The following DCC variants were observed in gnomAD, a reference collection of about 807,000 sequenced individuals.
DCC encodes the protein netrin receptor DCC.
A neutral mutation model predicts 172.5 loss-of-function variants in DCC; 58 were observed. That is an observed-to-expected ratio of 0.34 (90% CI 0.27 to 0.42). DCC has a LOEUF of 0.42. Among genes scored for constraint, DCC ranks in the 10% least tolerant of loss-of-function variants. The pLI is 1.00. For missense variants in DCC, 1,740 were observed against 1,791.0 expected, an observed-to-expected ratio of 0.97 and a Z score of 0.51; for synonymous variants, 709 against 644.5, an observed-to-expected ratio of 1.10 and a Z score of -1.52.
chr18:53,255,215 T>C (rs1177483741), intron 12 of DCC, among the ~76,000 whole-genome samples: 1 of 151,890 alleles, frequency 6.6e-6, no homozygotes, highest in Admixed American at 6.6e-5. Flanking sequence ...TTTTTGTTTT[T>C]TTTTCTATTA....
chr18:52,463,962 C>T (rs899954472), intron 1 of DCC, among the ~76,000 whole-genome samples: 6 of 152,136 alleles, frequency 3.9e-5, no homozygotes, highest in South Asian at 2.1e-4. Context: ...GTCTTTATAG[C>T]GTCCCTTCAC....
chr18:53,196,708 C>A (rs1366188732), intron 9 of DCC, among the ~76,000 whole-genome samples: 2 of 152,062 alleles, frequency 1.3e-5, no homozygotes, highest in East Asian at 1.9e-4. Context: ...TTATCCATAT[C>A]TGCATCCGTT....
intron 2 of DCC, among the ~76,000 whole-genome samples, chr18:52,780,689 G>T (rs57439269): frequency 0.029 from 4,437 of 152,206 alleles, 219 homozygotes; most frequent in African/African-American, 0.1. Flanking sequence ...GTTTATTCAG[G>T]TTCTTTCTGG....
intron 15 of DCC, among the ~76,000 whole-genome samples, chr18:53,357,394 C>G (rs948403660): frequency 4.6e-5 from 7 of 152,122 alleles, no homozygotes; most frequent in African/African-American, 1.7e-4. Flanking sequence ...ACTTCAGCAT[C>G]TCCCCCCATC....
chr18:52,908,694 A>G (rs2039925698), intron 3 of DCC, among the ~76,000 whole-genome samples: 1 of 152,300 alleles, frequency 6.6e-6, no homozygotes, highest in Non-Finnish European at 1.5e-5. Context: ...ATTGTAAACC[A>G]TGGAGATTTA....
chr18:53,294,604 C>T (rs1197511708), intron 12 of DCC, among the ~76,000 whole-genome samples: 1 of 152,158 alleles, frequency 6.6e-6, no homozygotes, highest in African/African-American at 2.4e-5. Flanking sequence ...CTGGAGGACT[C>T]AGCCTTGCAT....
chr18:53,286,465 A>G (rs143898881), intron 12 of DCC, among the ~76,000 whole-genome samples: 25 of 152,284 alleles, frequency 1.6e-4, no homozygotes, highest in African/African-American at 5.5e-4. Context: ...GAGGCCTTCT[A>G]GTGACTTGGA....
At chr18:53,402,141 A>G (rs1188369811) in intron 18 of DCC, among the ~76,000 whole-genome samples, 3 of 152,156 alleles carry the variant, frequency 2.0e-5, no homozygotes, top group Non-Finnish European at 4.4e-5. Flanking sequence ...TGACATTTTT[A>G]TTTATAAATG....
rs527600061 is a variant in DCC at position 52,505,968 on chromosome 18, T to G, written c.91+165090T>G. On this transcript the variant is annotated intron_variant, in intron 1 of 28. Coordinates refer to ENST00000442544, the MANE Select transcript of DCC (RefSeq NM_005215.4). The stretch of plus-strand genomic sequence containing the variant: ...ATTTTATGGAAATATTTCCTTTGGT[T>G]GTGAGAAAACACATTTCCACATGTC... Among the ~76,000 whole-genome samples the G allele has an allele frequency of 5.9e-5, 9 of 152,228 alleles. No homozygotes were observed. The South Asian group carries it at 1.9e-3, about 32-fold the overall frequency.
At chr18:53,281,855 G>A (rs564078297) in intron 12 of DCC, among the ~76,000 whole-genome samples, 1 of 144,732 alleles carries the variant, frequency 6.9e-6, no homozygotes, top group South Asian at 2.2e-4. Context: ...TTCTCCAAAA[G>A]ATATACATCC....
chr18:52,535,374 G>A (rs188497754), intron 1 of DCC, among the ~76,000 whole-genome samples: 11 of 152,300 alleles, frequency 7.2e-5, no homozygotes, highest in East Asian at 1.9e-4. Context: ...CAAACTGAAC[G>A]TGAGAGAAGA....
chr18:52,823,426 T>G (rs2038446556), intron 2 of DCC, among the ~76,000 whole-genome samples: 1 of 152,232 alleles, frequency 6.6e-6, no homozygotes, highest in Admixed American at 6.5e-5. Flanking sequence ...TTTTAAGAAA[T>G]GTATTAATAG....
chr18:52,850,993 G>A (rs1368296142), intron 2 of DCC, among the ~76,000 whole-genome samples: 1 of 151,888 alleles, frequency 6.6e-6, no homozygotes, highest in African/African-American at 2.4e-5. Context: ...AAGTTCTTAT[G>A]TTTCTATTAA....
At chr18:52,715,360 CATG>C (rs2036362522) in intron 1 of DCC, among the ~76,000 whole-genome samples, 1 of 150,266 alleles carries the variant, frequency 6.7e-6, no homozygotes, top group Admixed American at 6.6e-5. Flanking sequence ...AGTGCCGTGG[CATG>C]ATATCAGCTC....
rs72930041 is a variant in DCC, at chr18:53,000,726, C to T, written c.986-62579C>T. On this transcript the variant is annotated intron_variant, in intron 5 of 28. Coordinates refer to ENST00000442544, the MANE Select transcript of DCC (RefSeq NM_005215.4). ...TCAGGGACAGGAACTCAGTCAGAGC[C>T]AGTAATATGTCACAGCCAGATAATA... is the stretch of plus-strand genomic sequence containing the variant. Among the ~76,000 whole-genome samples, 1,213 of 150,982 alleles carry T rather than the reference C, an allele frequency of 8.0e-3. 8 individuals are homozygous for T. Among genetic ancestry groups the T allele is most frequent in the Non-Finnish European group, 9.8e-3 (667 of 67,794 alleles).
At chr18:52,924,184 G>A (rs189770012) in intron 4 of DCC, among the ~76,000 whole-genome samples, 1 of 152,054 alleles carries the variant, frequency 6.6e-6, no homozygotes, top group African/African-American at 2.4e-5. Flanking sequence ...ATATAGAGAG[G>A]TTTGATCCTT....
At chr18:53,102,880 G>A (rs1052155688) in intron 7 of DCC, among the ~76,000 whole-genome samples, 3 of 151,998 alleles carry the variant, frequency 2.0e-5, no homozygotes, top group African/African-American at 4.8e-5. Flanking sequence ...TAGCCTTTCT[G>A]CAATACACCC....
chr18:52,966,104 A>T (rs549766538), intron 5 of DCC, among the ~76,000 whole-genome samples: 1 of 152,178 alleles, frequency 6.6e-6, no homozygotes, highest in Non-Finnish European at 1.5e-5. Context: ...AAAAAAATCC[A>T]TAGATCATTT....
intron 1 of DCC, among the ~76,000 whole-genome samples, chr18:52,566,720 A>G (rs1036999580): frequency 1.3e-5 from 2 of 152,144 alleles, no homozygotes; most frequent in Admixed American, 1.3e-4. Flanking sequence ...GAGACTGAAG[A>G]AGGCCTAAAA....
Sources: gnomAD v4.1 joint callset for allele counts (sites outside exome capture counted in the v4.1 genomes callset) on GRCh38, gnomAD v4.1.1 for gene constraint, MANE v1.5 for transcripts, NCBI Gene and HGNC (gene_info 2026-07-23, HGNC 2026-07-21) for gene names.